DDX23: variants seen among roughly 807,000 people sequenced by gnomAD.
DDX23 encodes DEAD-box helicase 23.
A neutral mutation model predicts 102.7 loss-of-function variants in DDX23; 33 were observed. The observed-to-expected ratio is 0.32, with a 90% CI of 0.24 to 0.43. The LOEUF (loss-of-function observed/expected upper bound fraction) is 0.43, where lower values mean the gene tolerates loss of function less well. Ranked by LOEUF, DDX23 falls within the 20% of genes least tolerant of loss-of-function variation. DDX23 has a pLI of 1.00. For synonymous variants in DDX23, 352 were observed against 376.0 expected, an observed-to-expected ratio of 0.94 and a Z score of 0.74; for missense variants, 549 against 1,086.6, an observed-to-expected ratio of 0.51 and a Z score of 6.96.
At chr12:48,834,274 A>G in intron 12 of DDX23, 46 bp downstream of exon 12, 1 of 1,558,578 alleles carries the variant, frequency 6.4e-7, no homozygotes, top group Non-Finnish European at 8.7e-7. Flanking sequence ...AAGCCCCAAG[A>G]TAGCCTTCCC....
At chr12:48,845,480 G>A (rs1938650475) in intron 2 of DDX23, 94 bp downstream of exon 2, 2 of 1,360,874 alleles carry the variant, frequency 1.5e-6, no homozygotes, top group Admixed American at 3.8e-5. Context: ...ATAAAAAGTA[G>A]ATGCCTAATA....
chr12:48,850,112 GAGAC>G (rs1214440673), intron 1 of DDX23, among the ~76,000 whole-genome samples: 1 of 152,200 alleles, frequency 6.6e-6, no homozygotes, highest in Non-Finnish European at 1.5e-5. Flanking sequence ...ATATAGCAGA[GAGAC>G]AGAGTGAAAA....
At chr12:48,847,764 C>A (rs185590872) in intron 1 of DDX23, among the ~76,000 whole-genome samples, 7 of 152,160 alleles carry the variant, frequency 4.6e-5, no homozygotes, top group Admixed American at 3.9e-4. Flanking sequence ...TGCAGTAAGC[C>A]GAGATTGTGC....
intron 3 of DDX23, among the ~76,000 whole-genome samples, chr12:48,840,948 T>C (rs897928559): frequency 3.3e-5 from 5 of 152,188 alleles, no homozygotes; most frequent in Non-Finnish European, 5.9e-5. Context: ...TCATTTTTCA[T>C]TCCTATCAAT....
chr12:48,844,761 C>A (rs560915688), intron 2 of DDX23, among the ~76,000 whole-genome samples: 2 of 151,602 alleles, frequency 1.3e-5, no homozygotes, highest in Admixed American at 1.3e-4. Context: ...GTGAACCAAC[C>A]GCGCCCGGCC....
rs1938370281 is a variant in DDX23, at chr12:48,830,582, G to A, written c.2350C>T (p.Leu784=). Residue 784 remains leucine (L), a synonymous_variant, in exon 17 of 17, where the codon CTG becomes TTG. Transcript: ENST00000308025. The surrounding 1 kb of genome is among the most constrained non-coding windows in gnomAD (Gnocchi z 4.9). ...AVFYELKQAI[L]ESPVSSCPPE... is the part of the protein sequence containing the mutation. ...GGACAGGAAGACACTGGGCTTTCCA[G>A]GATAGCTTGCTTCAGCTCGTAGAAC... 1 of 1,613,982 alleles carries A rather than the reference G, an allele frequency of 6.2e-7. No homozygotes were observed.
intron 11 of DDX23, 107 bp from the exon 12 acceptor site, chr12:48,834,604 G>T: frequency 1.9e-6 from 2 of 1,065,852 alleles, no homozygotes; most frequent in Non-Finnish European, 2.7e-6. Flanking sequence ...GAATGGGGAG[G>T]ATGATGAGAA....
At chr12:48,837,225 G>T in intron 8 of DDX23, 56 bp downstream of exon 8, 1 of 1,582,124 alleles carries the variant, frequency 6.3e-7, no homozygotes. Flanking sequence ...GTAGTCATCA[G>T]CTCTCTAGGA....
At chr12:48,840,876 T>G (rs1192013485) in intron 3 of DDX23, among the ~76,000 whole-genome samples, 1 of 151,840 alleles carries the variant, frequency 6.6e-6, no homozygotes, top group Non-Finnish European at 1.5e-5. Flanking sequence ...TAATATACAA[T>G]GAATTTAGCC....
At position 48,832,957 on chromosome 12, in the gene DDX23, C is replaced by A. The variant is rs1938413266; in HGVS notation, c.1803+320G>T. 3 of 458,912 alleles carry A rather than the reference C, an allele frequency of 6.5e-6. No individual in the cohort carries two copies. The highest frequency in any genetic ancestry group is 3.9e-5 in the African/African-American group (2 of 50,874). 28.4% of individuals were successfully genotyped at this position (458,912 alleles called of 1,614,324 possible). A position where few individuals can be genotyped will look rare whatever the true frequency, so the allele number is the denominator to read the frequency against. ...GAGCCCACCTAAGGCAAGAAAGGCC[C>A]AAAAGGAGGTTGGCAACCTTGTACA... is the stretch of plus-strand genomic sequence containing the variant. On this transcript the variant is annotated intron_variant, in intron 13 of 16. Transcript: ENST00000308025. The surrounding 1 kb of genome is among the most constrained non-coding windows in gnomAD (Gnocchi z 4.4).
At chr12:48,850,578 G>GA (rs1340600963) in intron 1 of DDX23, among the ~76,000 whole-genome samples, 1 of 151,796 alleles carries the variant, frequency 6.6e-6, no homozygotes, top group South Asian at 2.1e-4. Flanking sequence ...CATAGTGAAA[G>GA]AAAAAAAATA....
In DDX23 at chr12:48,832,889, A is replaced by T. The variant is rs913139757; in HGVS notation, c.1804-316T>A. On this transcript the variant is annotated intron_variant, in intron 13 of 16. Coordinates refer to ENST00000308025, the MANE Select transcript of DDX23 (RefSeq NM_004818.3). The surrounding 1 kb of genome is among the most constrained non-coding windows in gnomAD (Gnocchi z 4.4). ...ATGGCTCCACCCTTAGGACTGTCAGAGGACTGTACCTAGGCACACTTCATT... is the reference window on the plus strand; with the variant it reads ...ATGGCTCCACCCTTAGGACTGTCAGTGGACTGTACCTAGGCACACTTCATT... 1 of 458,974 alleles carries T rather than the reference A, an allele frequency of 2.2e-6. No homozygotes were observed. The highest frequency in any genetic ancestry group is 3.9e-6 in the Non-Finnish European group (1 of 255,362). 28.4% of individuals were successfully genotyped at this position (458,974 alleles called of 1,614,324 possible).
rs111776217 is a variant in DDX23, at chr12:48,834,065, A to G, written c.1560+255T>C. ...CAGCTGTTTGTGACTTCAGGCAGTT[A>G]TTAACCTGAACCTCAGCTTGATCTA... is the stretch of plus-strand genomic sequence containing the variant. On this transcript the variant is annotated intron_variant, in intron 12 of 16. Transcript: ENST00000308025. 2.6e-3 allele frequency among the ~76,000 whole-genome samples: 397 copies of G among 152,350 alleles called. 1 individual carries two copies. The highest frequency in any genetic ancestry group is 8.9e-3 in the African/African-American group (372 of 41,588).
intron 11 of DDX23, among the ~76,000 whole-genome samples, chr12:48,835,375 C>T (rs1938455131): frequency 6.6e-6 from 1 of 152,102 alleles, no homozygotes; most frequent in Non-Finnish European, 1.5e-5. Flanking sequence ...GAGTTTGAGA[C>T]CAGCCTGGCC....
At chr12:48,845,005 A>G (rs945693794) in intron 2 of DDX23, among the ~76,000 whole-genome samples, 8 of 151,870 alleles carry the variant, frequency 5.3e-5, no homozygotes, top group Admixed American at 6.6e-5. Flanking sequence ...GTACAAAATT[A>G]GCCAGGTGTG....
Position 48,832,770 on chromosome 12 carries a change from T to C in DDX23, c.1804-197A>G, listed in dbSNP as rs1938409737. On this transcript the variant is annotated intron_variant, in intron 13 of 16. Coordinates refer to ENST00000308025, the MANE Select transcript of DDX23 (RefSeq NM_004818.3). This position sits in a 1 kb window ranked among gnomAD's most constrained non-coding sequence, Gnocchi z 4.4. ...CCTGCTCATCAAGGCACTTTCCATC[T>C]TATGATGACAGGAAGGATTGAGAGC... 1.5e-6 allele frequency: 1 copy of C among 656,034 alleles called. No homozygotes were observed. The highest frequency in any genetic ancestry group is 2.8e-5 in the East Asian group (1 of 35,282). 40.6% of individuals were successfully genotyped at this position (656,034 alleles called of 1,614,324 possible). A position where few individuals can be genotyped will look rare whatever the true frequency, so the allele number is the denominator to read the frequency against.
intron 3 of DDX23, among the ~76,000 whole-genome samples, chr12:48,840,554 T>TAAA (rs1565677466): frequency 1.6e-4 from 24 of 149,956 alleles, no homozygotes; most frequent in African/African-American, 5.4e-4. Context: ...AGAAAAATTT[T>TAAA]TTTTTTTTTT....
At chr12:48,842,223 T>TG (rs1247878446) in intron 3 of DDX23, among the ~76,000 whole-genome samples, 170 of 125,760 alleles carry the variant, frequency 1.4e-3, no homozygotes, top group Non-Finnish European at 1.6e-3. Context: ...AGGAGGGAGG[T>TG]GGGGGGGTCA....
chr12:48,831,982 A>C (rs1454141306), intron 15 of DDX23, 96 bp downstream of exon 15: 2 of 1,158,366 alleles, frequency 1.7e-6, no homozygotes, highest in Non-Finnish European at 2.5e-6. Context: ...AGGCTAAAGA[A>C]AGGGTGAGAC....
Sources: gnomAD v4.1 joint callset for allele counts (sites outside exome capture counted in the v4.1 genomes callset) on GRCh38, gnomAD v4.1.1 for gene constraint, Gnocchi (gnomAD v3.1) non-coding constraint, MANE v1.5 for transcripts, NCBI Gene and HGNC (gene_info 2026-07-23, HGNC 2026-07-21) for gene names.